DIAPH3: variants seen among roughly 807,000 people sequenced by gnomAD.
The protein encoded by DIAPH3 is protein diaphanous homolog 3.
A neutral mutation model predicts 144.3 loss-of-function variants in DIAPH3; 117 were observed. The ratio of observed to expected loss-of-function variants is 0.81; its 90% CI spans 0.70 to 0.95. The LOEUF is 0.95. Among genes scored for constraint, DIAPH3 ranks in the 40% least tolerant of loss-of-function variants. DIAPH3 has a pLI of 0.00. For missense variants in DIAPH3, 1,421 were observed against 1,412.7 expected (o/e 1.01, Z -0.09); for synonymous variants, 519 against 488.9 (o/e 1.06, Z -0.81).
chr13:59,815,752 A>G (rs2040736044), intron 24 of DIAPH3, among the ~76,000 whole-genome samples: 1 of 152,108 alleles, frequency 6.6e-6, no homozygotes, highest in African/African-American at 2.4e-5. Context: ...CACCACACCC[A>G]GCCTAAAAAA....
chr13:59,740,916 C>T (rs201621594), intron 27 of DIAPH3, among the ~76,000 whole-genome samples: 1 of 152,156 alleles, frequency 6.6e-6, no homozygotes, highest in Non-Finnish European at 1.5e-5. Context: ...TGTTGGTGAA[C>T]AGCTCAAGGA....
chr13:59,742,709 AAAAGAAAAG>A (rs1438502380), intron 27 of DIAPH3, among the ~76,000 whole-genome samples: 4 of 111,922 alleles, frequency 3.6e-5, no homozygotes, highest in East Asian at 2.4e-4. Flanking sequence ...AGGGAGAAAG[AAAAGAAAAG>A]AAAGAAAAGA....
chr13:59,989,837 C>G (rs2140799590), intron 12 of DIAPH3, among the ~76,000 whole-genome samples: 1 of 151,964 alleles, frequency 6.6e-6, no homozygotes, highest in East Asian at 1.9e-4. Context: ...GGACTACAGG[C>G]ATGTTCAAAC....
chr13:59,903,460 A>G (rs2046561148), intron 20 of DIAPH3, among the ~76,000 whole-genome samples: 1 of 152,176 alleles, frequency 6.6e-6, no homozygotes, highest in African/African-American at 2.4e-5. Context: ...AAGTACTAAA[A>G]CAAGTATTGT....
chr13:60,088,360 T>G (rs1234899801), intron 4 of DIAPH3, among the ~76,000 whole-genome samples: 1 of 152,108 alleles, frequency 6.6e-6, no homozygotes. Context: ...ACCAGACATC[T>G]TTTTGGTTCT....
intron 21 of DIAPH3, among the ~76,000 whole-genome samples, chr13:59,872,240 T>C (rs1222199816): frequency 1.3e-5 from 2 of 152,222 alleles, no homozygotes; most frequent in Non-Finnish European, 2.9e-5. Flanking sequence ...ACTGCTTTTA[T>C]TGCATCGAAC....
At chr13:59,975,363 T>C (rs2050619027) in intron 14 of DIAPH3, among the ~76,000 whole-genome samples, 2 of 152,038 alleles carry the variant, frequency 1.3e-5, no homozygotes, top group African/African-American at 4.8e-5. Flanking sequence ...GGAATCTTAC[T>C]TTGTCCTTAA....
chr13:60,008,747 C>T (rs1191260797), intron 8 of DIAPH3, 98 bp from the exon 9 acceptor site: 2 of 783,930 alleles, frequency 2.6e-6, no homozygotes, highest in Admixed American at 1.9e-5. Flanking sequence ...CCCTAAGCAG[C>T]CAATATATTT....
At chr13:59,949,092 T>C (rs564768324) in intron 17 of DIAPH3, among the ~76,000 whole-genome samples, 2 of 152,264 alleles carry the variant, frequency 1.3e-5, no homozygotes, top group East Asian at 1.9e-4. Context: ...TGGTCATTTT[T>C]GAGTTACTTT....
chr13:59,678,026 C>T (rs370827815), intron 27 of DIAPH3, among the ~76,000 whole-genome samples: 61 of 152,130 alleles, frequency 4.0e-4, no homozygotes, highest in African/African-American at 1.4e-3. Flanking sequence ...TAGTTCTGTA[C>T]ATGTTTTAGT....
intron 14 of DIAPH3, among the ~76,000 whole-genome samples, chr13:59,978,716 C>T (rs1156690720): frequency 6.6e-6 from 1 of 151,496 alleles, no homozygotes; most frequent in Non-Finnish European, 1.5e-5. Flanking sequence ...AAAAATGAAT[C>T]TCCATTAAAA....
intron 5 of DIAPH3, among the ~76,000 whole-genome samples, chr13:60,021,177 G>C (rs746331555): frequency 9.8e-4 from 150 of 152,294 alleles, no homozygotes; most frequent in Middle Eastern, 3.4e-3. Flanking sequence ...ATGTAGCAAA[G>C]GAGAAATTCA....
At chr13:59,984,009 G>A in intron 12 of DIAPH3, 122 bp from the exon 13 acceptor site, 1 of 686,882 alleles carries the variant, frequency 1.5e-6, no homozygotes, top group Non-Finnish European at 2.6e-6. Context: ...AATTTCAATA[G>A]TTGACACAAC....
At chr13:59,736,444 G>A (rs1163623694) in intron 27 of DIAPH3, among the ~76,000 whole-genome samples, 1 of 151,954 alleles carries the variant, frequency 6.6e-6, no homozygotes, top group African/African-American at 2.4e-5. Flanking sequence ...ACCTCACCAG[G>A]ATCTGTTATT....
At chr13:59,880,552 C>G (rs138110442) in intron 20 of DIAPH3, among the ~76,000 whole-genome samples, 2 of 151,936 alleles carry the variant, frequency 1.3e-5, no homozygotes, top group African/African-American at 4.8e-5. Context: ...GTTTGGGATA[C>G]AGAAAGCTAT....
At position 60,083,907 on chromosome 13, in the gene DIAPH3, AGATGGATGGATGGATG is replaced by A. The variant is rs61418371; in HGVS notation, c.495+9705_495+9720del. ...ACAGAGCAAGACCCTATGGATGGAC[AGATGGATGGATGGATG>A]GATGGATGGATGGATGGATGGATGG... On this transcript the variant is annotated intron_variant, in intron 4 of 27. Coordinates refer to ENST00000400324, the MANE Select transcript of DIAPH3 (RefSeq NM_001042517.2). Among the ~76,000 whole-genome samples, 628 of 145,688 alleles carry A rather than the reference AGATGGATGGATGGATG, an allele frequency of 4.3e-3. 3 individuals are homozygous for A. The highest frequency in any genetic ancestry group is 0.011 in the African/African-American group (412 of 38,858).
Position 59,879,283 on chromosome 13 carries a change from A to G in DIAPH3, c.2553T>C (p.Asn851=), listed in dbSNP as rs763301001. ...AGGTTTGAGCATTCCGGGAGCCAGC[A>G]TTCATGTAGTTTCCCATTAGCAATA... is the stretch of plus-strand genomic sequence containing the variant. ...ELVLLMGNYM[N]AGSRNAQTFG... Residue 851 remains asparagine (N), a synonymous_variant, in exon 21 of 28, where the codon AAT becomes AAC. Transcript: ENST00000400324. 6.2e-7 allele frequency: 1 copy of G among 1,613,890 alleles called. No homozygotes were observed. Among genetic ancestry groups the G allele is most frequent in the Non-Finnish European group, 8.5e-7 (1 of 1,179,844 alleles).
At chr13:60,105,644 G>A (rs1256847203) in intron 3 of DIAPH3, among the ~76,000 whole-genome samples, 1 of 152,160 alleles carries the variant, frequency 6.6e-6, no homozygotes, top group Non-Finnish European at 1.5e-5. Flanking sequence ...ACCCAATGGA[G>A]AGGGAAAAGA....
At chr13:59,711,657 C>T (rs991358148) in intron 27 of DIAPH3, among the ~76,000 whole-genome samples, 1 of 152,116 alleles carries the variant, frequency 6.6e-6, no homozygotes, top group South Asian at 2.1e-4. Context: ...TCAAGATATG[C>T]TATATCCATT....
Sources: allele counts gnomAD v4.1 joint callset (sites outside exome capture counted in the v4.1 genomes callset), GRCh38; gene constraint gnomAD v4.1.1; transcripts MANE v1.5; gene names NCBI Gene and HGNC (gene_info 2026-07-23, HGNC 2026-07-21).